WNK3: variants seen among roughly 807,000 people sequenced by gnomAD.
WNK3 encodes WNK lysine deficient protein kinase 3.
Under a neutral mutation model 116.7 loss-of-function variants are expected in WNK3, and 18 were observed. That is an observed-to-expected ratio of 0.15 (90% CI 0.11 to 0.23). WNK3 has a LOEUF of 0.23. WNK3 is among the 10% of genes least tolerant of loss of function. WNK3 has a pLI of 1.00. For missense variants in WNK3, 993 were observed against 1,323.8 expected, an observed-to-expected ratio of 0.75 and a Z score of 3.88; for synonymous variants, 404 against 469.4, an observed-to-expected ratio of 0.86 and a Z score of 1.80.
At chrX:54,282,247 G>A (rs1423625844) in intron 10 of WNK3, among the ~76,000 whole-genome samples, 9 of 109,904 alleles carry the variant, frequency 8.2e-5, no homozygotes, top group African/African-American at 3.0e-4. Context: ...GTCTCACTAT[G>A]TTGCCCAGGT....
intron 10 of WNK3, among the ~76,000 whole-genome samples, chrX:54,269,641 A>G (rs1051076726): frequency 1.1e-4 from 12 of 111,653 alleles, no homozygotes; most frequent in Admixed American, 1.1e-3. Flanking sequence ...CTTTATCCAT[A>G]AGAGCCAAAA....
chrX:54,286,018 T>C (rs1557163826), intron 10 of WNK3, among the ~76,000 whole-genome samples: 1 of 111,669 alleles, frequency 9.0e-6, no homozygotes, highest in African/African-American at 3.2e-5. Context: ...GTTAGGTATA[T>C]GGGTGTTCAT....
exon 14 of WNK3, chrX:54,251,643 T>C (rs1043095897): frequency 3.3e-6 from 4 of 1,211,245 alleles, no homozygotes; most frequent in Non-Finnish European, 4.5e-6. Flanking sequence ...TCAATTCTTC[T>C]ACAAATTTTT....
intron 1 of WNK3, among the ~76,000 whole-genome samples, 170 bp downstream of exon 1, chrX:54,357,516 C>T (rs1557179567): frequency 6.3e-5 from 7 of 110,969 alleles, no homozygotes. Flanking sequence ...AGGCACTCAC[C>T]CTGCTTCGGT....
intron 23 of WNK3, 29 bp from the exon 24 acceptor site, chrX:54,198,682 A>C: frequency 9.5e-7 from 1 of 1,055,284 alleles, no homozygotes. Context: ...AAAACAAAAG[A>C]TCAGTTTATT....
Position 54,219,902 on chromosome X carries a change from G to A in WNK3, c.4870+8812C>T, listed in dbSNP as rs184646942. Among the ~76,000 whole-genome samples, 4 of 111,406 alleles carry A rather than the reference G, an allele frequency of 3.6e-5. No homozygotes were observed. In the East Asian group the frequency reaches 1.1e-3, roughly 31 times the overall value. On this transcript the variant is annotated intron_variant, in intron 22 of 23. Transcript: ENST00000354646. ...AATAGAGTTAAGGGCACCAAACTGT[G>A]CACTGTCTTTTGGGAGCCAACTGTT... is the stretch of plus-strand genomic sequence containing the variant.
chrX:54,288,587 A>C (rs1379832714), intron 10 of WNK3, among the ~76,000 whole-genome samples: 1 of 111,274 alleles, frequency 9.0e-6, no homozygotes, highest in Non-Finnish European at 1.9e-5. Context: ...AGGCCTGCTG[A>C]ATGAAGGACA....
chrX:54,331,079 G>A (rs1390162107), intron 2 of WNK3, among the ~76,000 whole-genome samples: 3 of 108,876 alleles, frequency 2.8e-5, no homozygotes, highest in African/African-American at 1.0e-4. Context: ...TGGGAGGAGG[G>A]AGAGCATCAG....
intron 10 of WNK3, among the ~76,000 whole-genome samples, chrX:54,277,121 A>C (rs1409850527): frequency 3.6e-5 from 4 of 111,046 alleles, no homozygotes; most frequent in African/African-American, 1.3e-4. Flanking sequence ...ATATCATACT[A>C]ATGGTGAAAG....
At chrX:54,215,004 C>A (rs2067667590) in intron 22 of WNK3, among the ~76,000 whole-genome samples, 1 of 106,928 alleles carries the variant, frequency 9.4e-6, no homozygotes, top group African/African-American at 3.4e-5. Flanking sequence ...ATAGTCCCAG[C>A]TACCTGGGAG....
intron 17 of WNK3, among the ~76,000 whole-genome samples, chrX:54,240,404 T>C (rs1182048894): frequency 1.8e-5 from 2 of 111,631 alleles, no homozygotes; most frequent in Non-Finnish European, 3.8e-5. Flanking sequence ...TGAAGTCTCA[T>C]TTTAAACTAG....
At chrX:54,352,139 G>A (rs1442051496) in intron 1 of WNK3, among the ~76,000 whole-genome samples, 2 of 111,533 alleles carry the variant, frequency 1.8e-5, no homozygotes, top group African/African-American at 3.3e-5. Flanking sequence ...AACACGCCAT[G>A]AGAAGATGCC....
At chrX:54,232,927 G>C in exon 21 of WNK3, 1 of 1,210,715 alleles carries the variant, frequency 8.3e-7, no homozygotes, top group African/African-American at 1.7e-5. Context: ...CAGTAGATTG[G>C]GTTTTGCTAT....
At chrX:54,349,656 T>G (rs1176612658) in intron 1 of WNK3, among the ~76,000 whole-genome samples, 3 of 111,872 alleles carry the variant, frequency 2.7e-5, no homozygotes, top group Non-Finnish European at 5.6e-5. Context: ...CAAGAAAATC[T>G]TGATAAAGAA....
chrX:54,299,365 TC>T (rs1557167001), intron 6 of WNK3, among the ~76,000 whole-genome samples: 6 of 110,781 alleles, frequency 5.4e-5, no homozygotes, highest in Non-Finnish European at 1.1e-4. Flanking sequence ...AAGCCATCAT[TC>T]CATACAAAGT....
intron 22 of WNK3, among the ~76,000 whole-genome samples, chrX:54,218,695 C>G (rs782631124): frequency 2.7e-3 from 299 of 109,820 alleles, no homozygotes; most frequent in African/African-American, 9.4e-3. Flanking sequence ...ATCAGCCTGG[C>G]CAACATGGTG....
chrX:54,252,443 G>T (rs1359054530), intron 13 of WNK3, among the ~76,000 whole-genome samples: 2 of 111,037 alleles, frequency 1.8e-5, no homozygotes, highest in Admixed American at 9.6e-5. Context: ...GCTGAAGTGG[G>T]TGAATCACCT....
At chrX:54,341,706 A>C (rs782473308) in intron 1 of WNK3, among the ~76,000 whole-genome samples, 2 of 112,271 alleles carry the variant, frequency 1.8e-5, no homozygotes, top group East Asian at 5.6e-4. Context: ...AAAAGACTGC[A>C]TACTATATGA....
At chrX:54,307,838 A>G in intron 5 of WNK3, 84 bp downstream of exon 5, 1 of 931,516 alleles carries the variant, frequency 1.1e-6, no homozygotes, top group Non-Finnish European at 1.5e-6. Context: ...CTAAACCAAA[A>G]TTAGTTTTGA....
Sources: allele counts gnomAD v4.1 joint callset (sites outside exome capture counted in the v4.1 genomes callset), GRCh38; gene constraint gnomAD v4.1.1; transcripts MANE v1.5; gene names NCBI Gene and HGNC (gene_info 2026-07-23, HGNC 2026-07-21).